ZDHHC14: variants seen among roughly 807,000 people sequenced by gnomAD.
ZDHHC14 encodes palmitoyltransferase ZDHHC14.
A neutral mutation model predicts 47.7 loss-of-function variants in ZDHHC14; 16 were observed. That is an observed-to-expected ratio of 0.34 (90% CI 0.23 to 0.51). ZDHHC14 has a LOEUF of 0.51. ZDHHC14 is among the 20% of genes least tolerant of loss of function. ZDHHC14 has a pLI of 0.97. For missense variants in ZDHHC14, 515 were observed against 662.5 expected (o/e 0.78, Z 2.44); for synonymous variants, 293 against 278.9 (o/e 1.05, Z -0.50).
chr6:157,564,725 A>G (rs9347383), intron 2 of ZDHHC14, among the ~76,000 whole-genome samples: 83,657 of 152,068 alleles, frequency 0.55, 23,653 homozygotes, highest in African/African-American at 0.7. Context: ...TTATTAAAGT[A>G]CCACTGAGCA....
intron 1 of ZDHHC14, among the ~76,000 whole-genome samples, chr6:157,432,816 G>A (rs1314484371): frequency 6.6e-6 from 1 of 152,134 alleles, no homozygotes; most frequent in African/African-American, 2.4e-5. Flanking sequence ...CCAAAAAATG[G>A]GGCAGGAAAA....
intron 1 of ZDHHC14, among the ~76,000 whole-genome samples, chr6:157,513,318 G>A (rs1020057033): frequency 2.0e-5 from 3 of 152,198 alleles, no homozygotes; most frequent in African/African-American, 7.2e-5. Context: ...CACTTATATG[G>A]CTGTAGGAAA....
intron 1 of ZDHHC14, among the ~76,000 whole-genome samples, chr6:157,468,224 G>T (rs1432026383): frequency 6.6e-6 from 1 of 152,174 alleles, no homozygotes; most frequent in Non-Finnish European, 1.5e-5. Flanking sequence ...GCAAAGTTTG[G>T]CTTCCATCAG....
In ZDHHC14 at chr6:157,673,139, C is replaced by T. The variant is rs1376415661; in HGVS notation, c.*17C>T. 2 of 1,551,514 alleles carry T rather than the reference C, an allele frequency of 1.3e-6. No homozygotes were observed. Among genetic ancestry groups the T allele is most frequent in the Admixed American group, 1.9e-5 (1 of 51,500 alleles). On this transcript the variant is annotated 3_prime_UTR_variant, in exon 9 of 9. Coordinates refer to ENST00000359775, the MANE Select transcript of ZDHHC14 (RefSeq NM_024630.3). The surrounding 1 kb of genome is among the most constrained non-coding windows in gnomAD (Gnocchi z 5.4). The stretch of plus-strand genomic sequence containing the variant: ...TCCGTGTGACCCACATGGCCCCAGG[C>T]CGGGGGACACCAGAGGCTCCTCCAT...
chr6:157,517,672 C>T lies in ZDHHC14; in HGVS notation c.246-24913C>T, dbSNP rs933761896. Among the ~76,000 whole-genome samples, 12 of 152,154 alleles carry T rather than the reference C, an allele frequency of 7.9e-5. No individual in the cohort carries two copies. The South Asian group carries it at 8.3e-4, about 11-fold the overall frequency. Reference sequence around the variant, plus strand: ...AATTTCTGTCAGGTACATCCCAAACCGGCGACTCCTGACCCTGAACTAAGC... The same window carrying T: ...AATTTCTGTCAGGTACATCCCAAACTGGCGACTCCTGACCCTGAACTAAGC... On this transcript the variant is annotated intron_variant, in intron 1 of 8. Transcript: ENST00000359775.
intron 1 of ZDHHC14, among the ~76,000 whole-genome samples, chr6:157,435,386 A>G (rs1355732271): frequency 6.6e-6 from 1 of 152,198 alleles, no homozygotes; most frequent in Non-Finnish European, 1.5e-5. Flanking sequence ...GACTGCAGAA[A>G]GTCTTTGTGA....
At chr6:157,518,021 C>T (rs537392738) in intron 1 of ZDHHC14, among the ~76,000 whole-genome samples, 10 of 152,210 alleles carry the variant, frequency 6.6e-5, no homozygotes, top group South Asian at 2.1e-4. Flanking sequence ...GATGTGGACA[C>T]GCAGGCTGGA....
At chr6:157,398,145 TG>T (rs1221077064) in intron 1 of ZDHHC14, among the ~76,000 whole-genome samples, 5 of 144,194 alleles carry the variant, frequency 3.5e-5, no homozygotes, top group African/African-American at 1.3e-4. Flanking sequence ...GGAGACAGAG[TG>T]GACAGTGACT....
intron 1 of ZDHHC14, among the ~76,000 whole-genome samples, chr6:157,489,850 T>C (rs1236284714): frequency 1.3e-5 from 2 of 152,116 alleles, no homozygotes; most frequent in East Asian, 3.9e-4. Flanking sequence ...CTCACTGCTA[T>C]GGGAGTGGGG....
chr6:157,476,640 G>C (rs1316412847), intron 1 of ZDHHC14, among the ~76,000 whole-genome samples: 2 of 152,000 alleles, frequency 1.3e-5, no homozygotes, highest in Non-Finnish European at 1.5e-5. Flanking sequence ...GATGAACATA[G>C]ATGCAAAAAT....
At chr6:157,551,573 C>G (rs914956050) in intron 2 of ZDHHC14, among the ~76,000 whole-genome samples, 2 of 152,210 alleles carry the variant, frequency 1.3e-5, no homozygotes, top group Non-Finnish European at 2.9e-5. Context: ...GGCCCTGACT[C>G]ACCTGGTAAA....
intron 3 of ZDHHC14, among the ~76,000 whole-genome samples, chr6:157,600,418 C>T (rs1000344827): frequency 6.6e-6 from 1 of 152,010 alleles, no homozygotes; most frequent in Non-Finnish European, 1.5e-5. Flanking sequence ...TGATAAAATG[C>T]GACATTTGTT....
chr6:157,676,581 C>A lies in ZDHHC14; in HGVS notation c.*3459C>A, dbSNP rs1245957451. The A allele has an allele frequency of 1.3e-5, 2 of 152,268 alleles. No individual in the cohort carries two copies. The highest frequency in any genetic ancestry group is 2.1e-4 in the South Asian group (1 of 4,838). The allele number at this position is 152,268 out of a possible 1,614,324, so 9.4% of individuals were successfully genotyped here. On this transcript the variant is annotated 3_prime_UTR_variant, in exon 9 of 9. Transcript: ENST00000359775. ...AAGCTCTTCACCTCCTGGGCCTAGG[C>A]CTTCTTGTCTGACTCAACAGCAAGA...
intron 1 of ZDHHC14, among the ~76,000 whole-genome samples, chr6:157,398,901 T>C (rs549853378): frequency 1.3e-5 from 2 of 152,202 alleles, no homozygotes; most frequent in Non-Finnish European, 2.9e-5. Context: ...AGTGGGGATT[T>C]AGCTTGCTCA....
intron 1 of ZDHHC14, among the ~76,000 whole-genome samples, chr6:157,441,001 C>T (rs887865328): frequency 2.0e-5 from 3 of 152,074 alleles, no homozygotes; most frequent in East Asian, 1.9e-4. Context: ...AAAAAACAAA[C>T]GAAAAGGAAT....
intron 2 of ZDHHC14, among the ~76,000 whole-genome samples, chr6:157,567,759 C>A (rs1039341501): frequency 1.4e-5 from 2 of 146,272 alleles, no homozygotes; most frequent in Non-Finnish European, 3.0e-5. Flanking sequence ...TGCAGTGAGC[C>A]AAGATCACAC....
At chr6:157,612,676 G>T (rs888700620) in intron 3 of ZDHHC14, among the ~76,000 whole-genome samples, 3 of 152,174 alleles carry the variant, frequency 2.0e-5, no homozygotes, top group Non-Finnish European at 2.9e-5. Context: ...GGCCAGGCCT[G>T]TGTCAGTTTC....
At chr6:157,627,796 A>T (rs1340681251) in intron 3 of ZDHHC14, among the ~76,000 whole-genome samples, 1 of 152,198 alleles carries the variant, frequency 6.6e-6, no homozygotes, top group African/African-American at 2.4e-5. Context: ...TTTTCTTCAT[A>T]GGAATGTTTT....
chr6:157,605,437 A>T (rs1228435912), intron 3 of ZDHHC14, among the ~76,000 whole-genome samples: 1 of 152,160 alleles, frequency 6.6e-6, no homozygotes, highest in South Asian at 2.1e-4. Flanking sequence ...TCATAATACC[A>T]TCCTTTATTT....
Sources: gnomAD v4.1 joint callset for allele counts (sites outside exome capture counted in the v4.1 genomes callset) on GRCh38, gnomAD v4.1.1 for gene constraint, Gnocchi (gnomAD v3.1) non-coding constraint, MANE v1.5 for transcripts, NCBI Gene and HGNC (gene_info 2026-07-23, HGNC 2026-07-21) for gene names.